DST: variants seen among roughly 807,000 people sequenced by gnomAD.
DST encodes dystonin.
DST carries 253 observed loss-of-function variants against 875.2 expected under a neutral mutation model. The ratio of observed to expected loss-of-function variants is 0.29; its 90% CI spans 0.26 to 0.32. The LOEUF is 0.32. Among genes scored for constraint, DST ranks in the 10% least tolerant of loss-of-function variants. The pLI is 1.00. For missense variants in DST, 8,287 were observed against 9,111.6 expected (o/e 0.91, Z 3.68); for synonymous variants, 3,124 against 3,197.1 (o/e 0.98, Z 0.77).
At position 56,656,848 on chromosome 6, in the gene DST, AATGTAT is replaced by A. The variant is rs546287283; in HGVS notation, c.1215-5610_1215-5605del. ...GGTAACCCCCATAAAGAAACACAAT[AATGTAT>A]ATGTATATGTATGTGTGTGTATTGA... On this transcript the variant is annotated intron_variant, in intron 10 of 103. Coordinates refer to ENST00000680361, the MANE Select transcript of DST (RefSeq NM_001374736.1). Among the ~76,000 whole-genome samples the A allele has an allele frequency of 6.2e-3, 937 of 152,328 alleles. 9 individuals are homozygous for A. The highest frequency in any genetic ancestry group is 0.021 in the African/African-American group (891 of 41,560).
chr6:56,652,971 A>C (rs1402463184), intron 10 of DST, among the ~76,000 whole-genome samples: 1 of 152,258 alleles, frequency 6.6e-6, no homozygotes, highest in Non-Finnish European at 1.5e-5. Context: ...AGACAAAAAC[A>C]AATATCTGAA....
chr6:56,844,330 C>T (rs1014277026), intron 4 of DST, among the ~76,000 whole-genome samples: 4 of 152,200 alleles, frequency 2.6e-5, no homozygotes, highest in African/African-American at 7.2e-5. Flanking sequence ...TTCTGCCCCC[C>T]AGAGCCCACA....
chr6:56,470,038 G>T lies in DST; in HGVS notation c.22477-81C>A, dbSNP rs868850564. 19 of 1,596,640 alleles carry T rather than the reference G, an allele frequency of 1.2e-5. No individual in the cohort carries two copies. The Admixed American group carries it at 3.2e-4, about 27-fold the overall frequency. On this transcript the variant is annotated intron_variant, in intron 96 of 103. Coordinates refer to ENST00000680361, the MANE Select transcript of DST (RefSeq NM_001374736.1). ...CCTTAAAACTTTGACACAACAATTAGAGTGAAAATAAAATGGTTGTATGAA... is the reference window on the plus strand; with the variant it reads ...CCTTAAAACTTTGACACAACAATTATAGTGAAAATAAAATGGTTGTATGAA...
At chr6:56,612,140 C>T (rs543401824) in intron 37 of DST, among the ~76,000 whole-genome samples, 13 of 152,210 alleles carry the variant, frequency 8.5e-5, no homozygotes, top group Non-Finnish European at 1.8e-4. Flanking sequence ...GAGGCCAAAG[C>T]AGGCAGATTG....
At position 56,552,317 on chromosome 6, in the gene DST, T is replaced by C. The variant is rs750812861; in HGVS notation, c.16475A>G (p.Lys5492Arg). ...TTTGCTGTAAAATTCTTCAAGGCGC[T>C]TAATTGTCCCTTCAACCTGCTCTTC... ...AREEQVEGTI[K>R]RLEEFYSKLK... The change falls in exon 61 of 104, where the codon AAG becomes AGG. Residue 5492 changes from lysine to arginine, a missense_variant. Around this residue, in one of 10 missense-constraint regions of DST, gnomAD observed 777 missense variants for 764.8 expected, o/e 1.02. Transcript: ENST00000680361. The C allele has an allele frequency of 6.2e-7, 1 of 1,614,032 alleles. No homozygotes were observed. The highest frequency in any genetic ancestry group is 2.2e-5 in the East Asian group (1 of 44,878).
At chr6:56,503,913 T>C (rs2096229695) in intron 78 of DST, 84 bp downstream of exon 78, 1 of 915,400 alleles carries the variant, frequency 1.1e-6, no homozygotes. Flanking sequence ...TTACATTAGG[T>C]AAAATAAATT....
intron 2 of DST, among the ~76,000 whole-genome samples, chr6:56,921,024 A>G (rs1803956030): frequency 6.7e-6 from 1 of 150,244 alleles, no homozygotes; most frequent in South Asian, 2.1e-4. Context: ...GATTACAGGC[A>G]TGAGCCACCA....
intron 13 of DST, among the ~76,000 whole-genome samples, chr6:56,646,784 C>T (rs1479258486): frequency 6.6e-6 from 1 of 152,064 alleles, no homozygotes; most frequent in East Asian, 1.9e-4. Flanking sequence ...AGTTTGTATA[C>T]ATTAATTTGG....
chr6:56,610,082 C>T (rs994303776), intron 39 of DST, among the ~76,000 whole-genome samples: 4 of 152,110 alleles, frequency 2.6e-5, no homozygotes, highest in African/African-American at 9.7e-5. Context: ...ACATCAATGC[C>T]ACCTTTAGAG....
chr6:56,611,648 G>T, intron 37 of DST, 52 bp from the exon 38 acceptor site: 2 of 1,250,706 alleles, frequency 1.6e-6, no homozygotes, highest in Non-Finnish European at 2.3e-6. Flanking sequence ...GGAGTAAACA[G>T]TATTTTTTTT....
chr6:56,854,983 A>T (rs1486445510), intron 3 of DST, among the ~76,000 whole-genome samples: 1 of 152,338 alleles, frequency 6.6e-6, no homozygotes. Context: ...TACATGAAAG[A>T]GCTGTGGAGT....
Position 56,625,249 on chromosome 6 carries a change from T to C in DST, c.4738A>G (p.Thr1580Ala), listed in dbSNP as rs2098723013. 10 of 1,612,048 alleles carry C rather than the reference T, an allele frequency of 6.2e-6. No individual in the cohort carries two copies. The highest frequency in any genetic ancestry group is 8.5e-6 in the Non-Finnish European group (10 of 1,178,388). The change falls in exon 35 of 104, where the codon ACA becomes GCA. Residue 1580 changes from threonine (T) to alanine (A), a missense_variant. This residue lies in a region of DST where 3,138 missense variants were observed against 3,116.6 expected (regional missense o/e 1.01). Coordinates refer to ENST00000680361, the MANE Select transcript of DST (RefSeq NM_001374736.1). ...TCTACCATGGCCCGGTAGGTCATTG[T>C]TTGTAATTCATAGTCCTGTATAAAG... ...SATVKDYELQ[T>A]MTYRAMVDSQ...
At chr6:56,680,946 C>T (rs151041595) in intron 9 of DST, among the ~76,000 whole-genome samples, 1 of 152,314 alleles carries the variant, frequency 6.6e-6, no homozygotes, top group Non-Finnish European at 1.5e-5. Context: ...ACCTTATAAT[C>T]TTTACAATAT....
rs2098673335 is a variant in DST, at chr6:56,620,018, G to A, written c.4929+4512C>T. ...CCTGCATGATGTAGCCTGTGTGATC[G>A]GACACACTGGCAATGCATTTTCTCT... is the stretch of plus-strand genomic sequence containing the variant. On this transcript the variant is annotated intron_variant, in intron 36 of 103. Coordinates refer to ENST00000680361, the MANE Select transcript of DST (RefSeq NM_001374736.1). 2 of 1,613,862 alleles carry A rather than the reference G, an allele frequency of 1.2e-6. No individual in the cohort carries two copies. Among genetic ancestry groups the A allele is most frequent in the Non-Finnish European group, 1.7e-6 (2 of 1,179,976 alleles).
intron 49 of DST, among the ~76,000 whole-genome samples, chr6:56,585,558 T>G (rs549331944): frequency 1.3e-5 from 2 of 152,182 alleles, no homozygotes; most frequent in East Asian, 3.8e-4. Context: ...CCTGGATTCA[T>G]TGATCTTTTG....
chr6:56,584,127 A>C (rs1239091980), intron 49 of DST, among the ~76,000 whole-genome samples: 2 of 152,122 alleles, frequency 1.3e-5, no homozygotes, highest in Non-Finnish European at 2.9e-5. Context: ...CAATTCTGTG[A>C]AGAAAGTCAT....
chr6:56,802,835 A>C (rs2099748817), intron 4 of DST, among the ~76,000 whole-genome samples: 1 of 152,234 alleles, frequency 6.6e-6, no homozygotes, highest in Non-Finnish European at 1.5e-5. Context: ...ATCCCCATTC[A>C]TAAAGCACTG....
At chr6:56,880,916 C>T (rs1352392030) in intron 3 of DST, among the ~76,000 whole-genome samples, 19 of 130,354 alleles carry the variant, frequency 1.5e-4, no homozygotes, top group Non-Finnish European at 2.2e-4. Flanking sequence ...GGCACAATCT[C>T]GGCTCACTGA....
At chr6:56,862,688 T>C (rs774237950) in intron 3 of DST, among the ~76,000 whole-genome samples, 1 of 152,056 alleles carries the variant, frequency 6.6e-6, no homozygotes, top group African/African-American at 2.4e-5. Context: ...GTTACTGTAA[T>C]GGTCCAGCAA....
Sources: gnomAD v4.1 joint callset for allele counts (sites outside exome capture counted in the v4.1 genomes callset) on GRCh38, gnomAD v4.1.1 for gene constraint, gnomAD v4.1.1 regional missense constraint, MANE v1.5 for transcripts, NCBI Gene and HGNC (gene_info 2026-07-23, HGNC 2026-07-21) for gene names.